SIN3B: variants seen among roughly 807,000 people sequenced by gnomAD.
SIN3B encodes the protein SIN3 transcription regulator family member B.
SIN3B carries 19 observed loss-of-function variants against 120.2 expected under a neutral mutation model. The ratio of observed to expected loss-of-function variants is 0.16; its 90% CI spans 0.11 to 0.23. The LOEUF (loss-of-function observed/expected upper bound fraction) is 0.23, where lower values mean the gene tolerates loss of function less well. Ranked by LOEUF, SIN3B falls within the 10% of genes least tolerant of loss-of-function variation. SIN3B has a pLI of 1.00. For synonymous variants in SIN3B, 654 were observed against 653.2 expected, an observed-to-expected ratio of 1.00 and a Z score of -0.02; for missense variants, 1,073 against 1,573.0, an observed-to-expected ratio of 0.68 and a Z score of 5.38.
intron 3 of SIN3B, among the ~76,000 whole-genome samples, chr19:16,834,362 G>A (rs992678974): frequency 2.0e-5 from 3 of 152,208 alleles, no homozygotes; most frequent in African/African-American, 4.8e-5. Context: ...GTCCCTGCCC[G>A]TGGAGTAACT....
intron 7 of SIN3B, 32 bp downstream of exon 7, chr19:16,853,190 A>T: frequency 6.3e-7 from 1 of 1,598,244 alleles, no homozygotes; most frequent in Non-Finnish European, 8.6e-7. Flanking sequence ...CATCTTGGGG[A>T]TGCCATGTCC....
intron 3 of SIN3B, among the ~76,000 whole-genome samples, chr19:16,832,191 CTTTTTTTT>C (rs10528185): frequency 8.0e-6 from 1 of 125,434 alleles, no homozygotes; most frequent in Non-Finnish European, 1.7e-5. Context: ...TGCTGGCCCT[CTTTTTTTT>C]TTTTTTTTTT....
At chr19:16,842,215 G>T (rs545733491) in intron 4 of SIN3B, among the ~76,000 whole-genome samples, 14 of 151,824 alleles carry the variant, frequency 9.2e-5, no homozygotes, top group Non-Finnish European at 1.9e-4. Context: ...AGCCTCCCAA[G>T]TAGCGGAGGC....
chr19:16,862,664 C>A lies in SIN3B; in HGVS notation c.1266+105C>A. The A allele has an allele frequency of 8.0e-7, 1 of 1,242,738 alleles. No individual in the cohort carries two copies. Among genetic ancestry groups the A allele is most frequent in the Non-Finnish European group, 1.2e-6 (1 of 863,902 alleles). The allele number at this position is 1,242,738 out of a possible 1,614,324, so 77.0% of individuals were successfully genotyped here. On this transcript the variant is annotated intron_variant, in intron 9 of 18. Coordinates refer to ENST00000248054, the MANE Select transcript of SIN3B (RefSeq NM_001297595.2). This position sits in a 1 kb window ranked among gnomAD's most constrained non-coding sequence, Gnocchi z 4.7. Reference sequence around the variant, plus strand: ...TATGAATGAAATGCTGTGTGCTCAGCCCTCCTGAATGTTGGGTTATGGGTG... The same window carrying A: ...TATGAATGAAATGCTGTGTGCTCAGACCTCCTGAATGTTGGGTTATGGGTG...
intron 3 of SIN3B, among the ~76,000 whole-genome samples, chr19:16,839,379 G>A (rs745490348): frequency 1.3e-5 from 2 of 152,172 alleles, no homozygotes; most frequent in Non-Finnish European, 2.9e-5. Context: ...ACCTGTTGAG[G>A]TAACTGCCAC....
intron 12 of SIN3B, among the ~76,000 whole-genome samples, chr19:16,868,843 G>C (rs1030679440): frequency 6.6e-6 from 1 of 152,170 alleles, no homozygotes; most frequent in African/African-American, 2.4e-5. Flanking sequence ...TAGCAAGCAC[G>C]TGCAGGGGCT....
At chr19:16,857,101 A>G (rs1359633419) in intron 8 of SIN3B, among the ~76,000 whole-genome samples, 1 of 152,238 alleles carries the variant, frequency 6.6e-6, no homozygotes, top group Admixed American at 6.5e-5. Flanking sequence ...CATTTTATGT[A>G]TAGCATCCTG....
intron 8 of SIN3B, chr19:16,854,481 G>A: frequency 1.9e-6 from 1 of 514,766 alleles, no homozygotes; most frequent in South Asian, 2.4e-5. Context: ...AACATCTGTA[G>A]TCAGTATCCT....
chr19:16,876,559 A>C lies in SIN3B; in HGVS notation c.2840A>C (p.Glu947Ala), dbSNP rs749499866. ...ELLDTEEAQTEDPVEVQHLAR... is the reference protein window; with the variant it reads ...ELLDTEEAQTADPVEVQHLAR... ...CTGGACACCGAGGAGGCCCAGACGG[A>C]GGACCCTGTGGAGGTCCAGGTGAGG... Residue 947 changes from glutamate to alanine, a missense_variant, in exon 16 of 19, where the codon GAG becomes GCG. This residue lies in a region of SIN3B where 311 missense variants were observed against 400.3 expected (regional missense o/e 0.78). Transcript: ENST00000248054. The surrounding 1 kb of genome is among the most constrained non-coding windows in gnomAD (Gnocchi z 7.1). The C allele has an allele frequency of 3.1e-6, 5 of 1,613,334 alleles. No homozygotes were observed. The Middle Eastern group carries it at 4.9e-4, about 160-fold the overall frequency.
At chr19:16,853,999 G>A (rs1380819385) in intron 7 of SIN3B, 144 bp from the exon 8 acceptor site, 7 of 624,418 alleles carry the variant, frequency 1.1e-5, no homozygotes, top group Non-Finnish European at 1.7e-5. Flanking sequence ...TGCATGGGCT[G>A]TGTGAATTGC....
chr19:16,875,837 C>T (rs71336798), intron 14 of SIN3B: 1 of 555,874 alleles, frequency 1.8e-6, no homozygotes, highest in Non-Finnish European at 3.1e-6. Flanking sequence ...TTGGTTTGGT[C>T]TGGTCTGGTC....
chr19:16,875,422 C>T (rs1172654453), intron 14 of SIN3B, among the ~76,000 whole-genome samples: 1 of 103,678 alleles, frequency 9.6e-6, no homozygotes, highest in Admixed American at 1.2e-4. Context: ...CTGGTCTGGT[C>T]TGTTTGGTCT....
intron 14 of SIN3B, 186 bp from the exon 15 acceptor site, chr19:16,875,869 G>A (rs1351871298): frequency 3.0e-6 from 2 of 671,272 alleles, no homozygotes; most frequent in Non-Finnish European, 5.0e-6. Flanking sequence ...GTCTGGTCTG[G>A]TCTGGTCTGG....
At chr19:16,835,902 A>G (rs1971342015) in intron 3 of SIN3B, among the ~76,000 whole-genome samples, 2 of 152,248 alleles carry the variant, frequency 1.3e-5, no homozygotes, top group Admixed American at 1.3e-4. Context: ...TGGCCTCCCA[A>G]AGTTTTGGGA....
chr19:16,873,322 C>G (rs2051536875), intron 14 of SIN3B, among the ~76,000 whole-genome samples: 1 of 152,178 alleles, frequency 6.6e-6, no homozygotes, highest in Non-Finnish European at 1.5e-5. Context: ...TAGCTGCGTT[C>G]TGACACCTTC....
At chr19:16,857,162 GA>G (rs1177465692) in intron 8 of SIN3B, among the ~76,000 whole-genome samples, 10 of 152,228 alleles carry the variant, frequency 6.6e-5, no homozygotes, top group African/African-American at 2.2e-4. Context: ...CTTGATCACT[GA>G]AAATGTCAAA....
intron 14 of SIN3B, among the ~76,000 whole-genome samples, chr19:16,873,525 C>G (rs923855171): frequency 7.0e-6 from 1 of 143,136 alleles, no homozygotes; most frequent in Non-Finnish European, 1.5e-5. Flanking sequence ...TGTCCCCTCC[C>G]CCCCCCCCCA....
intron 4 of SIN3B, among the ~76,000 whole-genome samples, chr19:16,842,847 T>C (rs978822703): frequency 3.3e-5 from 5 of 152,146 alleles, no homozygotes; most frequent in African/African-American, 1.2e-4. Flanking sequence ...TCAGGTTGAA[T>C]CTTGACATAT....
chr19:16,831,764 T>C, intron 3 of SIN3B, 117 bp downstream of exon 3: 2 of 859,018 alleles, frequency 2.3e-6, no homozygotes, highest in Non-Finnish European at 3.7e-6. Flanking sequence ...GATCTGTTCT[T>C]TTTCTAGACG....
Sources: gnomAD v4.1 joint callset for allele counts (sites outside exome capture counted in the v4.1 genomes callset) on GRCh38, gnomAD v4.1.1 for gene constraint, gnomAD v4.1.1 regional missense constraint, Gnocchi (gnomAD v3.1) non-coding constraint, MANE v1.5 for transcripts, NCBI Gene and HGNC (gene_info 2026-07-23, HGNC 2026-07-21) for gene names.